The following SP4 variants were observed in gnomAD, a reference collection of about 807,000 sequenced individuals.
SP4 encodes Sp4 transcription factor.
A neutral mutation model predicts 72.8 loss-of-function variants in SP4; 19 were observed. The ratio of observed to expected loss-of-function variants is 0.26; its 90% CI spans 0.18 to 0.38. The LOEUF (loss-of-function observed/expected upper bound fraction) is 0.38. Ranked by LOEUF, SP4 falls within the 10% of genes least tolerant of loss-of-function variation. The probability of loss-of-function intolerance (pLI) is 1.00; values close to 1 mark genes in which losing one functional copy is unlikely to be tolerated. For synonymous variants in SP4, 395 were observed against 333.1 expected, an observed-to-expected ratio of 1.19 and a Z score of -2.02; for missense variants, 1,008 against 926.3, an observed-to-expected ratio of 1.09 and a Z score of -1.14.
rs1026197071 is a variant in SP4, at chr7:21,495,425, A to G, written c.2107+13302A>G. Among the ~76,000 whole-genome samples the G allele has an allele frequency of 3.4e-4, 52 of 150,940 alleles. 2 individuals are homozygous for G. The Admixed American group carries it at 3.5e-3, about 10-fold the overall frequency. On this transcript the variant is annotated intron_variant, in intron 5 of 5. Coordinates refer to ENST00000222584, the MANE Select transcript of SP4 (RefSeq NM_003112.5). The stretch of plus-strand genomic sequence containing the variant: ...AAATTTAACAGTTTTTTTTTTTTAA[A>G]TGAGCAAAGGATTTGACACTTCACC...
At chr7:21,496,726 T>A (rs1228081439) in intron 5 of SP4, among the ~76,000 whole-genome samples, 1 of 152,220 alleles carries the variant, frequency 6.6e-6, no homozygotes, top group Non-Finnish European at 1.5e-5. Flanking sequence ...TTTCAAATAT[T>A]CTTTCTTTAA....
At chr7:21,433,892 G>A (rs567405377) in intron 3 of SP4, among the ~76,000 whole-genome samples, 2 of 152,006 alleles carry the variant, frequency 1.3e-5, no homozygotes, top group South Asian at 2.1e-4. Flanking sequence ...GCAGTGAGCC[G>A]AGATCGCGCC....
intron 3 of SP4, among the ~76,000 whole-genome samples, chr7:21,455,003 T>C (rs1234447971): frequency 6.6e-6 from 1 of 152,234 alleles, no homozygotes; most frequent in African/African-American, 2.4e-5. Flanking sequence ...AATTTTTACT[T>C]GCCACATCTA....
At chr7:21,431,557 A>G (rs1258427130) in intron 3 of SP4, among the ~76,000 whole-genome samples, 2 of 152,232 alleles carry the variant, frequency 1.3e-5, no homozygotes, top group African/African-American at 2.4e-5. Flanking sequence ...AAAAATGTTG[A>G]CAGTAAAATG....
At chr7:21,481,422 A>G (rs978892565) in intron 4 of SP4, among the ~76,000 whole-genome samples, 1 of 152,226 alleles carries the variant, frequency 6.6e-6, no homozygotes, top group Non-Finnish European at 1.5e-5. Flanking sequence ...ATTTTCTTGA[A>G]TAAATGTTTC....
At chr7:21,480,492 C>G (rs1416522086) in intron 4 of SP4, among the ~76,000 whole-genome samples, 2 of 152,170 alleles carry the variant, frequency 1.3e-5, no homozygotes, top group Non-Finnish European at 2.9e-5. Context: ...TCCATCTCCT[C>G]TGAGTTACCC....
chr7:21,465,785 C>G (rs1039649984), intron 3 of SP4, among the ~76,000 whole-genome samples: 1 of 152,020 alleles, frequency 6.6e-6, no homozygotes, highest in African/African-American at 2.4e-5. Flanking sequence ...ATTGCTTGAG[C>G]CTAGGGGTTT....
chr7:21,482,396 T>C (rs1015244428), intron 5 of SP4, among the ~76,000 whole-genome samples: 3 of 152,192 alleles, frequency 2.0e-5, no homozygotes. Flanking sequence ...GTTGAAATCA[T>C]ACATTGTTTT....
chr7:21,470,610 A>G (rs1358954275), intron 3 of SP4, among the ~76,000 whole-genome samples: 1 of 152,190 alleles, frequency 6.6e-6, no homozygotes, highest in Non-Finnish European at 1.5e-5. Context: ...TACTAAGGCA[A>G]AAAACTACTG....
intron 3 of SP4, among the ~76,000 whole-genome samples, chr7:21,468,961 C>T (rs939602655): frequency 6.6e-6 from 1 of 152,108 alleles, no homozygotes; most frequent in African/African-American, 2.4e-5. Context: ...TATATATACT[C>T]CTGTAATTTT....
chr7:21,463,681 T>G (rs1784072576), intron 3 of SP4, among the ~76,000 whole-genome samples: 1 of 152,204 alleles, frequency 6.6e-6, no homozygotes, highest in South Asian at 2.1e-4. Context: ...CCTGACTTCT[T>G]GGAGGAAGAG....
intron 3 of SP4, among the ~76,000 whole-genome samples, chr7:21,435,724 A>T (rs188635401): frequency 6.6e-6 from 1 of 152,310 alleles, no homozygotes; most frequent in East Asian, 1.9e-4. Flanking sequence ...AGAAACTTAA[A>T]TCTTGTATTC....
At chr7:21,487,368 G>T (rs1038086189) in intron 5 of SP4, among the ~76,000 whole-genome samples, 1 of 143,654 alleles carries the variant, frequency 7.0e-6, no homozygotes, top group African/African-American at 2.6e-5. Flanking sequence ...CTCTCTCTCT[G>T]TCTCTCTGGG....
intron 3 of SP4, among the ~76,000 whole-genome samples, chr7:21,451,366 C>G (rs1773036571): frequency 6.6e-6 from 1 of 152,140 alleles, no homozygotes; most frequent in African/African-American, 2.4e-5. Flanking sequence ...AACTGCCTGA[C>G]CACCTGATAT....
Position 21,442,257 on chromosome 7 carries a change from C to T in SP4, c.1678+11414C>T, listed in dbSNP as rs561846949. Among the ~76,000 whole-genome samples the T allele has an allele frequency of 1.5e-4, 23 of 152,148 alleles. No homozygotes were observed. The South Asian group carries it at 4.8e-3, about 32-fold the overall frequency. ...GTTTCGCCATGTTGGCCAGGCTGGTCTTGAACTCCTGACCTCAGGTGATCC... is the reference window on the plus strand; with the variant it reads ...GTTTCGCCATGTTGGCCAGGCTGGTTTTGAACTCCTGACCTCAGGTGATCC... On this transcript the variant is annotated intron_variant, in intron 3 of 5. Transcript: ENST00000222584.
In SP4 at chr7:21,481,954, G is replaced by A; in HGVS notation, c.1938G>A (p.Gln646=). 6.2e-7 allele frequency: 1 copy of A among 1,614,022 alleles called. No homozygotes were observed. The highest frequency in any genetic ancestry group is 8.5e-7 in the Non-Finnish European group (1 of 1,179,910). ...RGSNEPGKKK[Q]HICHIEGCGK... is the part of the protein sequence containing the mutation. The stretch of plus-strand genomic sequence containing the variant: ...GTAATGAACCAGGAAAAAAGAAGCA[G>A]CATATCTGTCATATTGAAGGATGTG... Residue 646 remains glutamine (Q), a synonymous_variant, in exon 5 of 6, where the codon CAG becomes CAA. Coordinates refer to ENST00000222584, the MANE Select transcript of SP4 (RefSeq NM_003112.5).
At chr7:21,443,912 A>G (rs1292156224) in intron 3 of SP4, among the ~76,000 whole-genome samples, 1 of 152,250 alleles carries the variant, frequency 6.6e-6, no homozygotes, top group Non-Finnish European at 1.5e-5. Context: ...CATAAATACT[A>G]CAAACTATAA....
intron 4 of SP4, 129 bp downstream of exon 4, chr7:21,477,436 A>G: frequency 1.6e-6 from 1 of 643,774 alleles, no homozygotes; most frequent in Non-Finnish European, 2.8e-6. Context: ...GATATATAAT[A>G]TTAGAAAGGG....
chr7:21,485,999 C>G (rs553018109), intron 5 of SP4, among the ~76,000 whole-genome samples: 3 of 152,010 alleles, frequency 2.0e-5, no homozygotes, highest in African/African-American at 7.2e-5. Context: ...GAAATGCTTC[C>G]TAACGAAAAG....
Sources: gnomAD v4.1 joint callset for allele counts (sites outside exome capture counted in the v4.1 genomes callset) on GRCh38, gnomAD v4.1.1 for gene constraint, MANE v1.5 for transcripts, NCBI Gene and HGNC (gene_info 2026-07-23, HGNC 2026-07-21) for gene names.